ZNF516: variants seen among roughly 807,000 people sequenced by gnomAD.
ZNF516 encodes zinc finger protein 516.
In ZNF516, 19 loss-of-function variants were observed where a neutral mutation model predicts 79.7. The ratio of observed to expected loss-of-function variants is 0.24; its 90% CI spans 0.17 to 0.35. The LOEUF is 0.35. Ranked by LOEUF, ZNF516 falls within the 10% of genes least tolerant of loss-of-function variation. ZNF516 has a pLI of 1.00. For missense variants in ZNF516, 1,678 were observed against 1,679.5 expected, an observed-to-expected ratio of 1.00 and a Z score of 0.02; for synonymous variants, 877 against 739.5, an observed-to-expected ratio of 1.19 and a Z score of -3.02.
chr18:76,457,128 G>A (rs1285707689), intron 2 of ZNF516, among the ~76,000 whole-genome samples: 3 of 152,242 alleles, frequency 2.0e-5, no homozygotes, highest in Non-Finnish European at 4.4e-5. Flanking sequence ...TTTTAAGCGT[G>A]TGTAGGTATA....
chr18:76,369,179 G>A (rs1200632064), intron 6 of ZNF516, among the ~76,000 whole-genome samples: 1 of 152,124 alleles, frequency 6.6e-6, no homozygotes, highest in African/African-American at 2.4e-5. Flanking sequence ...CTGTTAAAAA[G>A]GACAATGCTT....
chr18:76,441,928 G>A lies in ZNF516; in HGVS notation c.1127C>T (p.Pro376Leu), dbSNP rs780511020. 4 of 1,607,992 alleles carry A rather than the reference G, an allele frequency of 2.5e-6. No homozygotes were observed. The highest frequency in any genetic ancestry group is 3.4e-6 in the Non-Finnish European group (4 of 1,178,766). The change falls in exon 3 of 7, where the codon CCC (proline) becomes CTC (leucine). Residue 376 changes from proline to leucine, a missense_variant. This residue lies in a region of ZNF516 where 1,294 missense variants were observed against 1,248.3 expected (regional missense o/e 1.04). Coordinates refer to ENST00000443185, the MANE Select transcript of ZNF516 (RefSeq NM_014643.4). Reference sequence around the variant, plus strand: ...GAGGAAGAACTGCTTGGTGTCCGAGGGCCCCTCCGCCCCCTCCTCGGCCGG... The same window carrying A: ...GAGGAAGAACTGCTTGGTGTCCGAGAGCCCCTCCGCCCCCTCCTCGGCCGG... ...RAPAEEGAEG[P>L]SDTKQFFLQC...
chr18:76,495,569 A>G (rs758342593), upstream of ZNF516: 34 of 290,618 alleles, frequency 1.2e-4, no homozygotes, highest in Non-Finnish European at 2.0e-4. Flanking sequence ...GACACAGCCA[A>G]TTCCTCCCCT....
chr18:76,492,249 A>G lies in ZNF516; in HGVS notation c.-272+2895T>C, dbSNP rs910912607. 53 of 985,476 alleles carry G rather than the reference A, an allele frequency of 5.4e-5. No homozygotes were observed. The African/African-American group carries it at 8.7e-4, about 16-fold the overall frequency. 61.0% of individuals were successfully genotyped at this position (985,476 alleles called of 1,614,324 possible). On this transcript the variant is annotated intron_variant, in intron 1 of 6. Coordinates refer to ENST00000443185, the MANE Select transcript of ZNF516 (RefSeq NM_014643.4). Reference sequence around the variant, plus strand: ...TTTACACGGAGATGCTGCTCGGCTCAGGTCGGGTCCGTACGCTTCCCGAGG... The same window carrying G: ...TTTACACGGAGATGCTGCTCGGCTCGGGTCGGGTCCGTACGCTTCCCGAGG...
intron 1 of ZNF516, chr18:76,487,997 C>A: frequency 1.0e-6 from 1 of 985,422 alleles, no homozygotes; most frequent in Non-Finnish European, 1.2e-6. Context: ...GGAACCTAAC[C>A]AAACAGTCGA....
In ZNF516 at chr18:76,441,493, C is replaced by T; in HGVS notation, c.1562G>A (p.Gly521Asp). ...CTGATGATAGGTGCGGAAGATCTTG[C>T]CGCACTCGAAGCACTCGGAGGACTT... ...QGKSSECFEC[G>D]KIFRTYHQMV... Residue 521 changes from glycine (G) to aspartate (D), a missense_variant, in exon 3 of 7, where the codon GGC becomes GAC. Physicochemically the swap from Gly to Asp is moderately conservative, Grantham distance 94 (BLOSUM62 -1). Coordinates refer to ENST00000443185, the MANE Select transcript of ZNF516 (RefSeq NM_014643.4). The T allele has an allele frequency of 6.3e-7, 1 of 1,598,458 alleles. No homozygotes were observed.
At chr18:76,490,289 G>A (rs1027264573) in intron 1 of ZNF516, 13 of 678,262 alleles carry the variant, frequency 1.9e-5, no homozygotes, top group Non-Finnish European at 2.4e-5. Flanking sequence ...ATTTTACTAA[G>A]GGGGGGCGAG....
At chr18:76,479,641 G>A (rs1347496858) in intron 1 of ZNF516, among the ~76,000 whole-genome samples, 2 of 152,260 alleles carry the variant, frequency 1.3e-5, no homozygotes, top group Non-Finnish European at 2.9e-5. Context: ...GACCCACAAT[G>A]CTGAAGCTAA....
Position 76,441,777 on chromosome 18 carries a change from C to T in ZNF516, c.1278G>A (p.Lys426=). The change falls in exon 3 of 7, where the codon AAG becomes AAA. Residue 426 remains lysine (K), a synonymous_variant. Coordinates refer to ENST00000443185, the MANE Select transcript of ZNF516 (RefSeq NM_014643.4). ...TGAGGTACTCGGCCGGCTCGGCCAC[C>T]TTACCCCGCGTGGCCAGCTGCCAGG... is the stretch of plus-strand genomic sequence containing the variant. The part of the protein sequence containing the change: ...YQAWQLATRG[K]VAEPAEYLKY... 6.4e-7 allele frequency: 1 copy of T among 1,561,750 alleles called. No homozygotes were observed. The highest frequency in any genetic ancestry group is 8.6e-7 in the Non-Finnish European group (1 of 1,160,328).
chr18:76,379,917 G>A lies in ZNF516; in HGVS notation c.2197C>T (p.Leu733=), dbSNP rs763810572. The A allele has an allele frequency of 1.2e-5, 20 of 1,613,998 alleles. 1 individual carries two copies. The South Asian group carries it at 2.2e-4, about 18-fold the overall frequency. Residue 733 remains leucine, a synonymous_variant, in exon 4 of 7, where the codon CTA becomes TTA. Transcript: ENST00000443185. ...KRALAPDLMP[L]DLSARSTRDD... ...CGCGTCGACCTCGCACTTAAATCTA[G>A]CGGCATGAGGTCTGGGGCCAGCGCC...
In ZNF516 at chr18:76,460,687, T is replaced by TG. The variant is rs988820441; in HGVS notation, c.-158+2340dup. Among the ~76,000 whole-genome samples, 18 of 152,140 alleles carry TG rather than the reference T, an allele frequency of 1.2e-4. 1 individual carries two copies. Among genetic ancestry groups the TG allele is most frequent in the Admixed American group, 9.8e-4 (15 of 15,274 alleles). ...CAAGTAGACAGCTCTACTCTGCTTC[T>TG]GTTCAGGGCTAGAGAGGTTCTGGAA... On this transcript the variant is annotated intron_variant, in intron 2 of 6. Coordinates refer to ENST00000443185, the MANE Select transcript of ZNF516 (RefSeq NM_014643.4).
intron 3 of ZNF516, among the ~76,000 whole-genome samples, chr18:76,421,506 G>A (rs2075507403): frequency 6.6e-6 from 1 of 152,216 alleles, no homozygotes; most frequent in African/African-American, 2.4e-5. Flanking sequence ...CGTGAGTTCT[G>A]TGTTTGCAAA....
chr18:76,457,134 G>A (rs1912779801), intron 2 of ZNF516, among the ~76,000 whole-genome samples: 1 of 152,224 alleles, frequency 6.6e-6, no homozygotes, highest in African/African-American at 2.4e-5. Context: ...GCGTGTGTAG[G>A]TATATGTTTA....
At chr18:76,395,040 G>C (rs1428752524) in intron 3 of ZNF516, among the ~76,000 whole-genome samples, 4 of 152,206 alleles carry the variant, frequency 2.6e-5, no homozygotes, top group African/African-American at 9.7e-5. Context: ...AAACACATGA[G>C]TGAGCATTTG....
intron 3 of ZNF516, among the ~76,000 whole-genome samples, chr18:76,403,358 A>G (rs583410): frequency 1 from 151,665 of 152,334 alleles, 75,504 homozygotes; most frequent in Middle Eastern, 1. Flanking sequence ...ACACCAACAC[A>G]GGTACACATA....
Position 76,380,167 on chromosome 18 carries a change from A to T in ZNF516, c.1947T>A (p.Ser649=), listed in dbSNP as rs769124526. The T allele has an allele frequency of 1.7e-5, 27 of 1,613,888 alleles. No individual in the cohort carries two copies. The highest frequency in any genetic ancestry group is 2.2e-5 in the Non-Finnish European group (26 of 1,179,904). ...TGCTACTGTTTTCAAGTATGGACAC[A>T]GAAGCTGCGATCCCTGCCTTGGACT... ...TGESKAGIAA[S]VSILENSSRE... Residue 649 remains serine, a synonymous_variant, in exon 4 of 7, where the codon TCT becomes TCA. Coordinates refer to ENST00000443185, the MANE Select transcript of ZNF516 (RefSeq NM_014643.4).
intron 2 of ZNF516, among the ~76,000 whole-genome samples, chr18:76,457,076 C>A (rs899080111): frequency 1.3e-5 from 2 of 152,208 alleles, no homozygotes; most frequent in African/African-American, 4.8e-5. Flanking sequence ...GGTTATGCAG[C>A]CTGCCAGTAA....
Position 76,492,573 on chromosome 18 carries a change from C to G in ZNF516, c.-272+2571G>C, listed in dbSNP as rs184424981. 7 of 385,736 alleles carry G rather than the reference C, an allele frequency of 1.8e-5. 1 individual carries two copies. In the East Asian group the frequency reaches 1.1e-3, roughly 62 times the overall value. 23.9% of individuals were successfully genotyped at this position (385,736 alleles called of 1,614,324 possible). ...GCCCTTCACTTTTCTACGGAGTTCA[C>G]ATCAGTTTCAGCAATCCGCGTTCTC... On this transcript the variant is annotated intron_variant, in intron 1 of 6. Transcript: ENST00000443185.
chr18:76,488,321 C>A, intron 1 of ZNF516: 1 of 923,418 alleles, frequency 1.1e-6, no homozygotes, highest in Non-Finnish European at 1.3e-6. Flanking sequence ...TCCAAGGTGC[C>A]AATTCGCAGG....
Sources: allele counts gnomAD v4.1 joint callset (sites outside exome capture counted in the v4.1 genomes callset), GRCh38; gene constraint gnomAD v4.1.1; regional missense constraint gnomAD v4.1.1; transcripts MANE v1.5; gene names NCBI Gene and HGNC (gene_info 2026-07-23, HGNC 2026-07-21).